TMEM181: variants seen among roughly 807,000 people sequenced by gnomAD.
TMEM181 encodes the protein G protein-coupled receptor 178.
TMEM181 carries 39 observed loss-of-function variants against 71.9 expected under a neutral mutation model. That is an observed-to-expected ratio of 0.54 (90% CI 0.42 to 0.71). The LOEUF is 0.71. Ranked by LOEUF, TMEM181 falls within the 30% of genes least tolerant of loss-of-function variation. TMEM181 has a pLI of 0.00. For synonymous variants in TMEM181, 245 were observed against 228.8 expected (o/e 1.07, Z -0.64); for missense variants, 595 against 583.0 (o/e 1.02, Z -0.21).
intron 1 of TMEM181, among the ~76,000 whole-genome samples, chr6:158,546,698 C>T (rs570643239): frequency 6.6e-6 from 1 of 152,400 alleles, no homozygotes; most frequent in South Asian, 2.1e-4. Flanking sequence ...ATGGCGCACA[C>T]CTGTAATCCC....
chr6:158,597,422 G>A (rs1784439021), intron 6 of TMEM181, among the ~76,000 whole-genome samples: 1 of 152,150 alleles, frequency 6.6e-6, no homozygotes, highest in Non-Finnish European at 1.5e-5. Context: ...TTCCAGGATG[G>A]TACCTTGTTG....
rs1786721061 is a variant in TMEM181, at chr6:158,632,540, T to TCACC, written c.*652_*653insCACC. On this transcript the variant is annotated 3_prime_UTR_variant, in exon 17 of 17. Transcript: ENST00000684151. ...TAATAGTGTGGAGTTCTGAGGAGGG[T>TCACC]TTGATAAGTTGAATAAGGAAAGGCT... The TCACC allele has an allele frequency of 1.3e-5, 2 of 152,412 alleles. No homozygotes were observed. The highest frequency in any genetic ancestry group is 3.9e-4 in the East Asian group (2 of 5,174). 9.4% of individuals were successfully genotyped at this position (152,412 alleles called of 1,614,324 possible). A position where few individuals can be genotyped will look rare whatever the true frequency, so the allele number is the denominator to read the frequency against.
intron 6 of TMEM181, among the ~76,000 whole-genome samples, chr6:158,594,254 A>G (rs372337339): frequency 9.0e-4 from 137 of 151,896 alleles, no homozygotes; most frequent in African/African-American, 3.1e-3. Flanking sequence ...GCGCACCACT[A>G]TGCGTGGCTA....
At chr6:158,569,821 G>A (rs373369798) in intron 1 of TMEM181, among the ~76,000 whole-genome samples, 21 of 152,216 alleles carry the variant, frequency 1.4e-4, no homozygotes, top group African/African-American at 5.1e-4. Flanking sequence ...GGCTGGTCCC[G>A]AATTCCTGAC....
chr6:158,577,476 A>G (rs1157632178), intron 2 of TMEM181, among the ~76,000 whole-genome samples: 1 of 152,204 alleles, frequency 6.6e-6, no homozygotes, highest in Non-Finnish European at 1.5e-5. Context: ...ATGGACCAAC[A>G]TACACACTCT....
At chr6:158,550,966 CTTTT>C (rs371934475) in intron 1 of TMEM181, among the ~76,000 whole-genome samples, 3 of 132,952 alleles carry the variant, frequency 2.3e-5, no homozygotes, top group African/African-American at 5.6e-5. Flanking sequence ...TTATCAATTC[CTTTT>C]TTTTTTTTTT....
chr6:158,545,513 G>A (rs917125541), intron 1 of TMEM181, among the ~76,000 whole-genome samples: 5 of 152,242 alleles, frequency 3.3e-5, no homozygotes, highest in East Asian at 1.9e-4. Context: ...GAGCAACGCC[G>A]CCCGCTTTTC....
chr6:158,567,159 A>G (rs1782558626), intron 1 of TMEM181, among the ~76,000 whole-genome samples: 1 of 152,192 alleles, frequency 6.6e-6, no homozygotes, highest in Non-Finnish European at 1.5e-5. Flanking sequence ...GAAAAGCTGC[A>G]TGGGCCAGGA....
intron 2 of TMEM181, among the ~76,000 whole-genome samples, chr6:158,576,578 C>G (rs1783167491): frequency 6.6e-6 from 1 of 152,084 alleles, no homozygotes; most frequent in Admixed American, 6.5e-5. Flanking sequence ...AGTCACCACA[C>G]CTGCCCAGAG....
chr6:158,602,393 T>C (rs139806367), intron 6 of TMEM181, among the ~76,000 whole-genome samples: 1 of 152,332 alleles, frequency 6.6e-6, no homozygotes, highest in African/African-American at 2.4e-5. Flanking sequence ...TCATTTCTCT[T>C]GGATAAATGC....
chr6:158,630,493 T>TA (rs956600774), intron 15 of TMEM181, among the ~76,000 whole-genome samples: 12 of 151,502 alleles, frequency 7.9e-5, no homozygotes, highest in South Asian at 4.2e-4. Context: ...CCCTGTCTCT[T>TA]AAAAAAAAAT....
At chr6:158,571,244 C>G (rs537115691) in intron 1 of TMEM181, among the ~76,000 whole-genome samples, 19 of 152,188 alleles carry the variant, frequency 1.2e-4, no homozygotes, top group Non-Finnish European at 2.6e-4. Context: ...CTGCAGGCAC[C>G]CGCCACCGCG....
chr6:158,605,361 G>T lies in TMEM181; in HGVS notation c.573+14G>T. On this transcript the variant is annotated intron_variant, in intron 7 of 16. Transcript: ENST00000684151. ...TTCATCGTCACTGTGAGTACCATTCGCCTGATGGACCGCAGCAGATCCCAG... is the reference window on the plus strand; with the variant it reads ...TTCATCGTCACTGTGAGTACCATTCTCCTGATGGACCGCAGCAGATCCCAG... 1 of 1,612,770 alleles carries T rather than the reference G, an allele frequency of 6.2e-7. No individual in the cohort carries two copies. The highest frequency in any genetic ancestry group is 1.7e-5 in the Admixed American group (1 of 59,990).
At chr6:158,545,152 G>A (rs1409161658) in intron 1 of TMEM181, among the ~76,000 whole-genome samples, 1 of 152,190 alleles carries the variant, frequency 6.6e-6, no homozygotes, top group Admixed American at 6.5e-5. Context: ...TGCCTACTCC[G>A]AACGTTTCTG....
chr6:158,605,148 G>GTA, intron 6 of TMEM181, 119 bp from the exon 7 acceptor site: 1 of 577,780 alleles, frequency 1.7e-6, no homozygotes, highest in Non-Finnish European at 3.1e-6. Flanking sequence ...GTGTGTGTGT[G>GTA]TGTGTGTGTG....
chr6:158,565,857 C>CG (rs1295652140), intron 1 of TMEM181, among the ~76,000 whole-genome samples: 2 of 152,060 alleles, frequency 1.3e-5, no homozygotes, highest in African/African-American at 4.8e-5. Flanking sequence ...GCGGTGGGGG[C>CG]GGGGGTGGAG....
chr6:158,571,318 G>T (rs182621800), intron 1 of TMEM181, among the ~76,000 whole-genome samples: 129 of 149,302 alleles, frequency 8.6e-4, no homozygotes, highest in Non-Finnish European at 1.2e-3. Context: ...GGATGGTCTC[G>T]ATCTCCTGAC....
intron 6 of TMEM181, among the ~76,000 whole-genome samples, chr6:158,603,588 G>GTTTTTTTTTTTTTTT (rs35319740): frequency 7.3e-6 from 1 of 136,056 alleles, no homozygotes; most frequent in Non-Finnish European, 1.6e-5. Context: ...TTTTTTTCAG[G>GTTTTTTTTTTTTTTT]TTTTTTTTTT....
intron 6 of TMEM181, among the ~76,000 whole-genome samples, chr6:158,596,499 G>T (rs1784397831): frequency 6.6e-6 from 1 of 152,144 alleles, no homozygotes; most frequent in Admixed American, 6.6e-5. Flanking sequence ...CCTTGGCTCT[G>T]ATAAAAGAGC....
Sources: allele counts gnomAD v4.1 joint callset (sites outside exome capture counted in the v4.1 genomes callset), GRCh38; gene constraint gnomAD v4.1.1; transcripts MANE v1.5; gene names NCBI Gene and HGNC (gene_info 2026-07-23, HGNC 2026-07-21).